Variants in RPL6 observed in about 807,000 individuals in gnomAD.
RPL6 encodes ribosomal protein L6, also known as large ribosomal subunit protein eL6.
In RPL6, 1 loss-of-function variant was observed where a neutral mutation model predicts 32.1. The observed-to-expected ratio is 0.03, with a 90% confidence interval of 0.01 to 0.15. The LOEUF (loss-of-function observed/expected upper bound fraction) is 0.15. Among genes scored for constraint, RPL6 ranks in the 10% least tolerant of loss-of-function variants. The probability of loss-of-function intolerance (pLI) is 1.00; values close to 1 mark genes in which losing one functional copy is unlikely to be tolerated. For missense variants in RPL6, 275 were observed against 354.6 expected, an observed-to-expected ratio of 0.78 and a Z score of 1.80; for synonymous variants, 126 against 131.6, an observed-to-expected ratio of 0.96 and a Z score of 0.29.
chr12:112,406,573 A>G (rs1594103887), intron 4 of RPL6, 174 bp downstream of exon 4: 2 of 955,486 alleles, frequency 2.1e-6, no homozygotes, highest in Non-Finnish European at 3.1e-6. Context: ...AATGGCTAAT[A>G]AATCACCATG....
At chr12:112,410,935 A>G (rs1362480464), upstream of RPL6, among the ~76,000 whole-genome samples, 1 of 152,132 alleles carries the variant, frequency 6.6e-6, no homozygotes, top group Non-Finnish European at 1.5e-5. Flanking sequence ...TCAACATCCT[A>G]GTTGTTGTCA....
At chr12:112,407,966 C>A (rs1183262770) in intron 3 of RPL6, 5 of 388,644 alleles carry the variant, frequency 1.3e-5, no homozygotes, top group East Asian at 1.1e-4. Flanking sequence ...GTGATCTGCT[C>A]GCCTCAGCCT....
chr12:112,405,422 A>T, intron 6 of RPL6, 46 bp from the exon 7 acceptor site: 1 of 1,590,438 alleles, frequency 6.3e-7, no homozygotes, highest in Non-Finnish European at 8.6e-7. Flanking sequence ...CACATACCAA[A>T]TTACTTGTAG....
chr12:112,412,133 G>A (rs372397973), upstream of RPL6, among the ~76,000 whole-genome samples: 15 of 152,082 alleles, frequency 9.9e-5, no homozygotes, highest in East Asian at 1.4e-3. Context: ...TTCGCCTCCC[G>A]GGTTCACGCC....
In RPL6 at chr12:112,405,608, G is replaced by A. The variant is rs1442132895; in HGVS notation, c.715-232C>T. The A allele has an allele frequency of 4.9e-6, 3 of 609,142 alleles. No homozygotes were observed. The African/African-American group carries it at 5.6e-5, about 11-fold the overall frequency. The allele number at this position is 609,142 out of a possible 1,614,324, so 37.7% of individuals were successfully genotyped here. ...TTAGGACACATCAAGGATAAGTAAG[G>A]GCACATTCCCAATACGATGGTAGCA... On this transcript the variant is annotated intron_variant, in intron 6 of 6. Coordinates refer to ENST00000202773, the MANE Select transcript of RPL6 (RefSeq NM_000970.6).
In RPL6 at chr12:112,418,055, A is replaced by G. The variant is rs959241263; in HGVS notation, c.-229+673T>C. 1.0e-4 allele frequency among the ~76,000 whole-genome samples: 15 copies of G among 149,130 alleles called. No homozygotes were observed. The East Asian group carries it at 2.8e-3, about 28-fold the overall frequency. Reference sequence around the variant, plus strand: ...AGTGCAGTGGCGCGATCTCGGCTCAATGCAACCTCTGCCTCCCGGGTTCAA... The same window carrying G: ...AGTGCAGTGGCGCGATCTCGGCTCAGTGCAACCTCTGCCTCCCGGGTTCAA... On this transcript the variant is annotated intron_variant, in intron 1 of 5. Coordinates refer to the RPL6 transcript ENST00000551291.
intron 1 of RPL6, 143 bp from the exon 2 acceptor site, chr12:112,408,799 T>G (rs2037264692): frequency 1.5e-6 from 1 of 676,108 alleles, no homozygotes. Context: ...CCTCTCAAAC[T>G]CTACCCATTC....
At position 112,405,280 on chromosome 12, in the gene RPL6, G is replaced by C. The variant is rs1204590157; in HGVS notation, c.811C>G (p.Leu271Val). The C allele has an allele frequency of 6.2e-7, 1 of 1,607,780 alleles. No individual in the cohort carries two copies. The highest frequency in any genetic ancestry group is 8.5e-7 in the Non-Finnish European group (1 of 1,178,220). The change falls in exon 7 of 7, where the codon CTG becomes GTG. Residue 271 changes from leucine to valine, a missense_variant. Coordinates refer to ENST00000202773, the MANE Select transcript of RPL6 (RefSeq NM_000970.6). Reference sequence around the variant, plus strand: ...TTCGTCAGAGCAAACACAGATCGCAGGTAGCCCTGGAGCTGAGGAATAGCT... The same window carrying C: ...TTCGTCAGAGCAAACACAGATCGCACGTAGCCCTGGAGCTGAGGAATAGCT... Reference protein sequence around the residue: ...IKAIPQLQGYLRSVFALTNGI... With the variant: ...IKAIPQLQGYVRSVFALTNGI...
intron 1 of RPL6, among the ~76,000 whole-genome samples, chr12:112,417,560 CTTTTTTTTTT>C (rs1209085428): frequency 1.8e-3 from 135 of 75,076 alleles, no homozygotes; most frequent in African/African-American, 2.2e-3. Context: ...CCCGGCCCGG[CTTTTTTTTTT>C]TTTTTTTTTT....
rs745568138 is a variant in RPL6 at position 112,406,851 on chromosome 12, A to T, written c.376T>A (p.Leu126Met). 1.7e-5 allele frequency: 28 copies of T among 1,614,248 alleles called. No individual in the cohort carries two copies. The highest frequency in any genetic ancestry group is 2.2e-5 in the Non-Finnish European group (26 of 1,180,038). The change falls in exon 4 of 7, where the codon TTG becomes ATG. Residue 126 changes from leucine (L) to methionine (M), a missense_variant. Coordinates refer to ENST00000202773, the MANE Select transcript of RPL6 (RefSeq NM_000970.6). ...YPTEDVPRKLLSHGKKPFSQH... is the reference protein window; with the variant it reads ...YPTEDVPRKLMSHGKKPFSQH... Reference sequence around the variant, plus strand: ...CTGAAGGGTTTTTTGCCGTGGCTCAACAGCTTTCGAGGCACATCTTCAGTA... The same window carrying T: ...CTGAAGGGTTTTTTGCCGTGGCTCATCAGCTTTCGAGGCACATCTTCAGTA...
intron 3 of RPL6, 117 bp from the exon 4 acceptor site, chr12:112,407,007 T>G: frequency 1.0e-6 from 1 of 977,558 alleles, no homozygotes; most frequent in Non-Finnish European, 1.5e-6. Flanking sequence ...ATACTGTATT[T>G]ATATGATTCC....
Position 112,409,571 on chromosome 12 carries a change from G to A in RPL6, c.-1+16C>T, listed in dbSNP as rs1184024570. The stretch of plus-strand genomic sequence containing the variant: ...GTCCTGAACTCAAGTCTTGCAGACA[G>A]GCCCGCGATTCTTACCTTGCAAGAT... On this transcript the variant is annotated intron_variant, in intron 1 of 6. Transcript: ENST00000202773. The A allele has an allele frequency of 1.3e-5, 5 of 398,520 alleles. No individual in the cohort carries two copies. Among genetic ancestry groups the A allele is most frequent in the Admixed American group, 4.4e-5 (1 of 22,712 alleles). The allele number at this position is 398,520 out of a possible 1,614,324, so 24.7% of individuals were successfully genotyped here. A position where few individuals can be genotyped will look rare whatever the true frequency, so the allele number is the denominator to read the frequency against.
rs17852010 is a variant in RPL6, at chr12:112,408,497, T to C, written c.160A>G (p.Ile54Val). The stretch of plus-strand genomic sequence containing the variant: ...ATGGCAGATCGGGAATACCTGCCAA[T>C]TCCTCTGACAAGGACAGGGTTGCGG... ...CSRNPVLVRG[I>V]GRYSRSAMYS... Residue 54 changes from isoleucine (I) to valine (V), a missense_variant, in exon 2 of 7, where the codon ATT becomes GTT. Ile to Val is a conservative substitution (Grantham distance 29, BLOSUM62 3). Transcript: ENST00000202773. 2 of 1,613,926 alleles carry C rather than the reference T, an allele frequency of 1.2e-6. No individual in the cohort carries two copies. The highest frequency in any genetic ancestry group is 1.3e-5 in the African/African-American group (1 of 75,058).
intron 6 of RPL6, 38 bp from the exon 7 acceptor site, chr12:112,405,414 C>G (rs781413585): frequency 6.2e-7 from 1 of 1,600,466 alleles, no homozygotes; most frequent in Admixed American, 1.8e-5. Context: ...AAAACAGGCA[C>G]ATACCAAATT....
At chr12:112,405,399 A>G (rs2037131394) in intron 6 of RPL6, 23 bp from the exon 7 acceptor site, 1 of 1,609,518 alleles carries the variant, frequency 6.2e-7, no homozygotes, top group Non-Finnish European at 8.5e-7. Context: ...AAAATCAAAC[A>G]TTTTAAAACA....
At chr12:112,414,936 C>T (rs2037386869), upstream of RPL6, among the ~76,000 whole-genome samples, 1 of 151,470 alleles carries the variant, frequency 6.6e-6, no homozygotes, top group African/African-American at 2.4e-5. Flanking sequence ...ACCCACAAAA[C>T]TTAATTGGAT....
intron 6 of RPL6, 67 bp downstream of exon 6, chr12:112,405,786 C>G (rs915521545): frequency 4.8e-5 from 62 of 1,299,244 alleles, no homozygotes; most frequent in South Asian, 4.5e-4. Flanking sequence ...TTTTGTGCAA[C>G]CTGTTTCTTT....
rs2037159317 is a variant in RPL6, at chr12:112,406,140, TG to T, written c.530-104del. 8.9e-6 allele frequency: 11 copies of T among 1,237,606 alleles called. No individual in the cohort carries two copies. In the South Asian group the frequency reaches 1.5e-4, roughly 17 times the overall value. The allele number at this position is 1,237,606 out of a possible 1,614,324, so 76.7% of individuals were successfully genotyped here. On this transcript the variant is annotated intron_variant, in intron 5 of 6. Coordinates refer to ENST00000202773, the MANE Select transcript of RPL6 (RefSeq NM_000970.6). ...ATGTTGCTACACAAAGAAGACCACT[TG>T]TCTAACCCACTTGCACACAAGGCAA...
At chr12:112,409,763 C>CACTCCAAAGATCGTGCCA (rs1555264207), upstream of RPL6, 1 of 314,490 alleles carries the variant, frequency 3.2e-6, no homozygotes, top group Non-Finnish European at 5.8e-6. Flanking sequence ...GTAATCCCAG[C>CACTCCAAAGATCGTGCCA]CCTTTGGGAG....
Sources: gnomAD v4.1 joint callset for allele counts (sites outside exome capture counted in the v4.1 genomes callset) on GRCh38, gnomAD v4.1.1 for gene constraint, MANE v1.5 for transcripts, NCBI Gene and HGNC (gene_info 2026-07-23, HGNC 2026-07-21) for gene names.